The following SNTG1 variants were observed in gnomAD, a reference collection of about 807,000 sequenced individuals.
The protein encoded by SNTG1 is gamma-1-syntrophin.
A neutral mutation model predicts 74.7 loss-of-function variants in SNTG1; 39 were observed. That is an observed-to-expected ratio of 0.52 (90% CI 0.40 to 0.68). SNTG1 has a LOEUF of 0.68. Among genes scored for constraint, SNTG1 ranks in the 30% least tolerant of loss-of-function variants. The pLI, the probability that SNTG1 is intolerant of heterozygous loss-of-function variation, is 0.00. For missense variants in SNTG1, 685 were observed against 609.5 expected, an observed-to-expected ratio of 1.12 and a Z score of -1.30; for synonymous variants, 254 against 217.1, an observed-to-expected ratio of 1.17 and a Z score of -1.49.
Position 50,596,008 on chromosome 8 carries a change from A to G in SNTG1, c.849+5091A>G, listed in dbSNP as rs532041593. Among the ~76,000 whole-genome samples the G allele has an allele frequency of 1.3e-4, 20 of 152,126 alleles. No individual in the cohort carries two copies. The East Asian group carries it at 3.5e-3, about 26-fold the overall frequency. ...AAAATCCTAGTAGTGTAATAACTCAATATTATGGTTGTGTATTTTGAACAT... is the reference window on the plus strand; with the variant it reads ...AAAATCCTAGTAGTGTAATAACTCAGTATTATGGTTGTGTATTTTGAACAT... On this transcript the variant is annotated intron_variant, in intron 13 of 18. Transcript: ENST00000642720.
At chr8:50,089,868 A>G (rs1476053087) in intron 1 of SNTG1, among the ~76,000 whole-genome samples, 1 of 152,188 alleles carries the variant, frequency 6.6e-6, no homozygotes, top group African/African-American at 2.4e-5. Context: ...AGGGATCTAG[A>G]ACTAGAAATA....
At position 50,140,885 on chromosome 8, in the gene SNTG1, T is replaced by G. The variant is rs574533113; in HGVS notation, c.-102-31676T>G. Among the ~76,000 whole-genome samples, 13 of 152,286 alleles carry G rather than the reference T, an allele frequency of 8.5e-5. 1 individual carries two copies. Among genetic ancestry groups the G allele is most frequent in the African/African-American group, 2.9e-4 (12 of 41,560 alleles). On this transcript the variant is annotated intron_variant, in intron 1 of 18. Coordinates refer to ENST00000642720, the MANE Select transcript of SNTG1 (RefSeq NM_018967.5). Reference sequence around the variant, plus strand: ...AAATACTTGTATACATTGGTTCCATTATAAAGAAGTAGGTTGAGGGAGCAA... The same window carrying G: ...AAATACTTGTATACATTGGTTCCATGATAAAGAAGTAGGTTGAGGGAGCAA...
chr8:49,937,640 G>A (rs1041209708), intron 1 of SNTG1, among the ~76,000 whole-genome samples: 3 of 152,146 alleles, frequency 2.0e-5, no homozygotes, highest in African/African-American at 7.2e-5. Context: ...CTGGGATCTA[G>A]TCAGCTACAC....
At chr8:50,249,797 T>A (rs2086565887) in intron 2 of SNTG1, among the ~76,000 whole-genome samples, 1 of 151,938 alleles carries the variant, frequency 6.6e-6, no homozygotes, top group African/African-American at 2.4e-5. Context: ...TCAACCAACA[T>A]CCTAGGATCC....
intron 18 of SNTG1, among the ~76,000 whole-genome samples, chr8:50,784,315 C>T (rs1045878632): frequency 2.0e-5 from 3 of 152,218 alleles, no homozygotes; most frequent in South Asian, 2.1e-4. Context: ...TATAGCTAAA[C>T]ACACATGTAG....
chr8:50,669,595 C>T (rs940304345), intron 15 of SNTG1, among the ~76,000 whole-genome samples: 5 of 152,186 alleles, frequency 3.3e-5, no homozygotes, highest in Admixed American at 6.5e-5. Context: ...GACTCACAGC[C>T]GAATTCTACC....
At chr8:50,493,066 A>G (rs1453922055) in intron 8 of SNTG1, among the ~76,000 whole-genome samples, 4 of 152,206 alleles carry the variant, frequency 2.6e-5, no homozygotes, top group Non-Finnish European at 5.9e-5. Context: ...CAATGGGGAA[A>G]GGATTCCCTA....
chr8:49,964,610 G>C (rs1266169075), intron 1 of SNTG1, among the ~76,000 whole-genome samples: 1 of 152,220 alleles, frequency 6.6e-6, no homozygotes, highest in African/African-American at 2.4e-5. Context: ...AGTTGGATTA[G>C]TCCTTCTTTC....
intron 10 of SNTG1, among the ~76,000 whole-genome samples, chr8:50,534,494 C>A (rs2094293542): frequency 1.3e-5 from 2 of 152,066 alleles, no homozygotes; most frequent in African/African-American, 4.8e-5. Context: ...TAAAATACTT[C>A]TTTAAAAAAA....
chr8:50,660,409 GAAAAGAAAGAAAGAAAGAAGAAA>G (rs2095214952), intron 15 of SNTG1, among the ~76,000 whole-genome samples: 2 of 71,446 alleles, frequency 2.8e-5, no homozygotes, highest in East Asian at 5.6e-4. Flanking sequence ...GAGAAAGAAA[GAAAAGAAAGAAAGAAAGAAGAAA>G]GAAAGAAAGA....
chr8:50,695,041 C>T (rs1585560483), intron 15 of SNTG1, among the ~76,000 whole-genome samples: 1 of 151,946 alleles, frequency 6.6e-6, no homozygotes, highest in African/African-American at 2.4e-5. Context: ...AGAATGCCCA[C>T]TATCACCACT....
chr8:50,052,976 C>T (rs1343530407), intron 1 of SNTG1, among the ~76,000 whole-genome samples: 1 of 152,116 alleles, frequency 6.6e-6, no homozygotes, highest in Non-Finnish European at 1.5e-5. Context: ...TCTGAAATGG[C>T]ACAGCTGCCT....
intron 15 of SNTG1, among the ~76,000 whole-genome samples, chr8:50,660,910 T>G (rs1258513067): frequency 2.0e-5 from 3 of 152,194 alleles, no homozygotes; most frequent in African/African-American, 7.2e-5. Context: ...GAGATTTTTT[T>G]CTATGACAGT....
chr8:50,360,067 T>C (rs969836013), intron 2 of SNTG1, among the ~76,000 whole-genome samples: 1 of 152,108 alleles, frequency 6.6e-6, no homozygotes, highest in Non-Finnish European at 1.5e-5. Context: ...TAATTTTCAG[T>C]GAATGGGATA....
At chr8:50,450,880 A>T (rs901226007) in intron 8 of SNTG1, 151 bp downstream of exon 8, 114 of 736,480 alleles carry the variant, frequency 1.5e-4, no homozygotes, top group Non-Finnish European at 2.2e-4. Context: ...ATTTTTTTTT[A>T]AATTAGAAAT....
chr8:49,928,885 GA>G (rs1807296004), intron 1 of SNTG1, among the ~76,000 whole-genome samples: 1 of 151,724 alleles, frequency 6.6e-6, no homozygotes, highest in Non-Finnish European at 1.5e-5. Context: ...TATATTTTTG[GA>G]AAGAAACAAA....
At chr8:50,382,853 C>A (rs907008969) in intron 2 of SNTG1, among the ~76,000 whole-genome samples, 2 of 152,102 alleles carry the variant, frequency 1.3e-5, no homozygotes, top group Non-Finnish European at 2.9e-5. Context: ...GCTGGCAAGT[C>A]CAAATTCTGT....
At chr8:50,772,160 C>A (rs12679277) in intron 18 of SNTG1, among the ~76,000 whole-genome samples, 1 of 151,884 alleles carries the variant, frequency 6.6e-6, no homozygotes, top group East Asian at 1.9e-4. Flanking sequence ...GCCACCAACA[C>A]CATGTAATGC....
chr8:50,604,905 G>A (rs1474291625), intron 13 of SNTG1, among the ~76,000 whole-genome samples: 5 of 152,108 alleles, frequency 3.3e-5, no homozygotes, highest in African/African-American at 7.2e-5. Flanking sequence ...CATGGCATAC[G>A]AACAAGGTAT....
Sources: allele counts gnomAD v4.1 joint callset (sites outside exome capture counted in the v4.1 genomes callset), GRCh38; gene constraint gnomAD v4.1.1; transcripts MANE v1.5; gene names NCBI Gene and HGNC (gene_info 2026-07-23, HGNC 2026-07-21).